TGM5: variants seen among roughly 807,000 people sequenced by gnomAD.
TGM5 encodes the protein protein-glutamine gamma-glutamyltransferase 5.
In TGM5, 69 loss-of-function variants were observed where a neutral mutation model predicts 77.2. The ratio of observed to expected loss-of-function variants is 0.89; its 90% CI spans 0.74 to 1.09. TGM5 has a LOEUF of 1.09. Ranked by LOEUF, TGM5 falls within the 50% of genes least tolerant of loss-of-function variation. The probability of loss-of-function intolerance (pLI) is 0.00; values close to 1 mark genes in which losing one functional copy is unlikely to be tolerated. For missense variants in TGM5, 842 were observed against 896.5 expected (o/e 0.94, Z 0.78); for synonymous variants, 346 against 351.8 (o/e 0.98, Z 0.18).
chr15:43,263,799 A>G (rs950580915), intron 1 of TGM5, among the ~76,000 whole-genome samples: 1 of 152,246 alleles, frequency 6.6e-6, no homozygotes, highest in Admixed American at 6.5e-5. Context: ...CAGTGAGAGA[A>G]AAACCAAATG....
intron 6 of TGM5, 139 bp downstream of exon 6, chr15:43,252,620 C>T (rs1408701124): frequency 3.5e-6 from 4 of 1,150,374 alleles, no homozygotes; most frequent in Non-Finnish European, 2.5e-6. Flanking sequence ...CCGGCCGAGA[C>T]ATTTCAGAGA....
At chr15:43,242,375 T>C (rs1596443789) in intron 6 of TGM5, among the ~76,000 whole-genome samples, 1 of 152,264 alleles carries the variant, frequency 6.6e-6, no homozygotes. Context: ...TAGTGGTGAT[T>C]ATTTTGAAAC....
intron 6 of TGM5, among the ~76,000 whole-genome samples, chr15:43,252,019 C>T (rs1179382515): frequency 2.0e-5 from 3 of 152,244 alleles, no homozygotes; most frequent in African/African-American, 4.8e-5. Flanking sequence ...CCATGGCCCA[C>T]ACCACAGCCC....
At chr15:43,234,715 C>A (rs753881687) in intron 11 of TGM5, 54 bp downstream of exon 11, 36 of 1,612,290 alleles carry the variant, frequency 2.2e-5, no homozygotes, top group Admixed American at 5.0e-5. Flanking sequence ...GGCTTCACCC[C>A]CTCCCCGCCA....
rs771307043 is a variant in TGM5, at chr15:43,235,827, C to A, written c.1356G>T (p.Gln452His). The change falls in exon 10 of 13, where the codon CAG becomes CAT. Residue 452 changes from glutamine (Q) to histidine (H), a missense_variant. Gln to His is a conservative substitution (Grantham distance 24, BLOSUM62 0). Transcript: ENST00000220420. Reference sequence around the variant, plus strand: ...GAGCCTTCAGAAACACCTGCCTCTCCTGGAGGGATCCTGAAGTTGGGGAGA... The same window carrying A: ...GAGCCTTCAGAAACACCTGCCTCTCATGGAGGGATCCTGAAGTTGGGGAGA... ...ENYKYEEGSL[Q>H]ERQVFLKALQ... 4 of 1,613,958 alleles carry A rather than the reference C, an allele frequency of 2.5e-6. No homozygotes were observed. The African/African-American group carries it at 4.0e-5, about 16-fold the overall frequency.
At chr15:43,244,648 G>GGTAGTCAAT (rs1243481912) in intron 6 of TGM5, among the ~76,000 whole-genome samples, 1 of 152,178 alleles carries the variant, frequency 6.6e-6, no homozygotes, top group Non-Finnish European at 1.5e-5. Flanking sequence ...TAGTCATTCA[G>GGTAGTCAAT]TGATAAGTGT....
At chr15:43,256,462 T>G in intron 4 of TGM5, 106 bp downstream of exon 4, 8 of 896,524 alleles carry the variant, frequency 8.9e-6, no homozygotes, top group Non-Finnish European at 1.3e-5. Context: ...CCTCGTGCCA[T>G]TTAGTTAGCG....
At position 43,235,846 on chromosome 15, in the gene TGM5, G is replaced by A; in HGVS notation, c.1346-9C>T. On this transcript the variant is annotated splice_polypyrimidine_tract_variant and intron_variant, in intron 9 of 12. Transcript: ENST00000220420. The stretch of plus-strand genomic sequence containing the variant: ...CCTCTCCTGGAGGGATCCTGAAGTT[G>A]GGGAGAGCACAGCACCAGCTGTGAG... 1 of 1,613,312 alleles carries A rather than the reference G, an allele frequency of 6.2e-7. No homozygotes were observed. The highest frequency in any genetic ancestry group is 8.5e-7 in the Non-Finnish European group (1 of 1,179,960).
chr15:43,266,885 G>A lies in TGM5; in HGVS notation c.-36C>T, dbSNP rs1237164890. On this transcript the variant is annotated 5_prime_UTR_variant, in exon 1 of 13. Transcript: ENST00000220420. ...TCCGGTTCCTGGGATGCTCCCCACA[G>A]AACAGCTGGGCGGTCTGGAGCTTCA... is the stretch of plus-strand genomic sequence containing the variant. 6.2e-7 allele frequency: 1 copy of A among 1,613,822 alleles called. No homozygotes were observed. The highest frequency in any genetic ancestry group is 8.5e-7 in the Non-Finnish European group (1 of 1,179,998).
chr15:43,243,470 G>A (rs1233212683), intron 6 of TGM5, among the ~76,000 whole-genome samples: 1 of 152,212 alleles, frequency 6.6e-6, no homozygotes, highest in Non-Finnish European at 1.5e-5. Context: ...GCTTGTGAGA[G>A]GACTTGGATG....
At chr15:43,245,900 G>T (rs910682960) in intron 6 of TGM5, among the ~76,000 whole-genome samples, 12 of 112,792 alleles carry the variant, frequency 1.1e-4, no homozygotes, top group Non-Finnish European at 1.8e-4. Flanking sequence ...TGTGTGTGTT[G>T]GGGGGGGGGG....
chr15:43,257,583 GTGTGGAGACGA>G (rs1028239932), intron 3 of TGM5, among the ~76,000 whole-genome samples: 39 of 152,114 alleles, frequency 2.6e-4, no homozygotes, highest in African/African-American at 9.2e-4. Context: ...CATGTTGGGG[GTGTGGAGACGA>G]TGTGGAGACA....
chr15:43,259,174 C>T (rs1451432813), intron 3 of TGM5, among the ~76,000 whole-genome samples: 1 of 152,180 alleles, frequency 6.6e-6, no homozygotes, highest in East Asian at 1.9e-4. Flanking sequence ...CCGTTCTCTA[C>T]TCCTGACCCC....
At chr15:43,256,127 C>T (rs1212937892) in intron 4 of TGM5, among the ~76,000 whole-genome samples, 1 of 152,210 alleles carries the variant, frequency 6.6e-6, no homozygotes, top group Non-Finnish European at 1.5e-5. Flanking sequence ...CTGAGACATT[C>T]AGGGGACAAG....
intron 9 of TGM5, among the ~76,000 whole-genome samples, chr15:43,238,158 C>T (rs1431063824): frequency 6.6e-6 from 1 of 152,230 alleles, no homozygotes; most frequent in Non-Finnish European, 1.5e-5. Context: ...CTTCAGCCAC[C>T]CTGCCTTGCA....
At chr15:43,249,344 G>A (rs771545845) in intron 6 of TGM5, among the ~76,000 whole-genome samples, 39 of 152,142 alleles carry the variant, frequency 2.6e-4, no homozygotes, top group African/African-American at 9.2e-4. Flanking sequence ...ACAGTCACAG[G>A]TTGTACAACA....
chr15:43,250,744 G>A (rs1294674058), intron 6 of TGM5, among the ~76,000 whole-genome samples: 1 of 152,100 alleles, frequency 6.6e-6, no homozygotes, highest in East Asian at 1.9e-4. Context: ...AGTAAGTATT[G>A]CTGTGAAGGG....
At chr15:43,257,423 G>T (rs1449804694) in intron 3 of TGM5, among the ~76,000 whole-genome samples, 1 of 152,168 alleles carries the variant, frequency 6.6e-6, no homozygotes, top group Admixed American at 6.5e-5. Context: ...ACACATATAC[G>T]TGCTGCCCAT....
chr15:43,259,165 C>T (rs189860650), intron 3 of TGM5, among the ~76,000 whole-genome samples: 11 of 152,180 alleles, frequency 7.2e-5, no homozygotes, highest in African/African-American at 1.9e-4. Flanking sequence ...ACAGCAGACC[C>T]GTTCTCTACT....
Sources: allele counts gnomAD v4.1 joint callset (sites outside exome capture counted in the v4.1 genomes callset), GRCh38; gene constraint gnomAD v4.1.1; transcripts MANE v1.5; gene names NCBI Gene and HGNC (gene_info 2026-07-23, HGNC 2026-07-21).